Variants in SLC35G1 observed in about 807,000 individuals in gnomAD.
SLC35G1 encodes the protein partner of STIM1.
In SLC35G1, 10 loss-of-function variants were observed where a neutral mutation model predicts 17.1. That is an observed-to-expected ratio of 0.59 (90% CI 0.36 to 0.99). SLC35G1 has a LOEUF of 0.99. Among genes scored for constraint, SLC35G1 ranks in the 50% least tolerant of loss-of-function variants. The pLI is 0.01. For synonymous variants in SLC35G1, 185 were observed against 181.1 expected, an observed-to-expected ratio of 1.02 and a Z score of -0.18; for missense variants, 433 against 468.4, an observed-to-expected ratio of 0.92 and a Z score of 0.70.
In SLC35G1 at chr10:93,894,108, G is replaced by A. The variant is rs1345730867; in HGVS notation, c.75G>A (p.Pro25=). Reference sequence around the variant, plus strand: ...TGCCGCTAACGGACGATGCACCCCCGGGCGCCACTGAGGAGCCGGCGGCCG... The same window carrying A: ...TGCCGCTAACGGACGATGCACCCCCAGGCGCCACTGAGGAGCCGGCGGCCG... The part of the protein sequence containing the change: ...PGLPLTDDAP[P]GATEEPAAAE... Residue 25 remains proline (P), a synonymous_variant, in exon 1 of 3, where the codon CCG becomes CCA. Coordinates refer to ENST00000427197, the MANE Select transcript of SLC35G1 (RefSeq NM_001134658.3). The A allele has an allele frequency of 2.0e-6, 3 of 1,489,108 alleles. No individual in the cohort carries two copies. The highest frequency in any genetic ancestry group is 2.7e-6 in the Non-Finnish European group (3 of 1,127,056). 92.2% of individuals were successfully genotyped at this position (1,489,108 alleles called of 1,614,324 possible).
intron 1 of SLC35G1, 75 bp from the exon 2 acceptor site, chr10:93,898,496 T>G: frequency 2.7e-6 from 4 of 1,454,876 alleles, no homozygotes; most frequent in Non-Finnish European, 3.7e-6. Flanking sequence ...CTGTTCCATT[T>G]TTCTCAGTTT....
chr10:93,898,826 C>CT lies in SLC35G1; in HGVS notation c.359+76dup, dbSNP rs2060355922. The stretch of plus-strand genomic sequence containing the variant: ...ATCTTTTCACCTGCCTATAATTACT[C>CT]TATCTGCTTTATCCATCTCATATAC... On this transcript the variant is annotated intron_variant, in intron 2 of 2. Transcript: ENST00000427197. 5 of 1,398,886 alleles carry CT rather than the reference C, an allele frequency of 3.6e-6. No individual in the cohort carries two copies. The African/African-American group carries it at 7.2e-5, about 20-fold the overall frequency. 86.7% of individuals were successfully genotyped at this position (1,398,886 alleles called of 1,614,324 possible). A position where few individuals can be genotyped will look rare whatever the true frequency, so the allele number is the denominator to read the frequency against.
intron 1 of SLC35G1, among the ~76,000 whole-genome samples, chr10:93,896,237 C>T (rs1276197843): frequency 1.3e-5 from 2 of 152,118 alleles, no homozygotes; most frequent in East Asian, 3.9e-4. Context: ...CTCAAGAGAT[C>T]CTCCCACCTT....
rs907483934 is a variant in SLC35G1 at position 93,902,085 on chromosome 10, T to C, written c.*595T>C. On this transcript the variant is annotated 3_prime_UTR_variant, in exon 3 of 3. Coordinates refer to ENST00000427197, the MANE Select transcript of SLC35G1 (RefSeq NM_001134658.3). ...TATTTTCAAGGATTTTATAAATGAT[T>C]ATCATACTTGTAACTCATATTTGTG... 2 of 152,650 alleles carry C rather than the reference T, an allele frequency of 1.3e-5. No individual in the cohort carries two copies. Among genetic ancestry groups the C allele is most frequent in the Non-Finnish European group, 2.9e-5 (2 of 68,040 alleles). The allele number at this position is 152,650 out of a possible 1,614,324, so 9.5% of individuals were successfully genotyped here.
rs370677662 is a variant in SLC35G1, at chr10:93,898,674, C to T, written c.282C>T (p.Asp94=). The change falls in exon 2 of 3, where the codon GAC becomes GAT. Residue 94 remains aspartate, a synonymous_variant. Coordinates refer to ENST00000427197, the MANE Select transcript of SLC35G1 (RefSeq NM_001134658.3). ...CTTTATTTGTTAAAAAAGTGCAAGACGTCCATGCTGTAGAGATTAGTGCGT... is the reference window on the plus strand; with the variant it reads ...CTTTATTTGTTAAAAAAGTGCAAGATGTCCATGCTGTAGAGATTAGTGCGT... ...VGSLFVKKVQ[D]VHAVEISAFR... 5.0e-6 allele frequency: 8 copies of T among 1,613,804 alleles called. No individual in the cohort carries two copies. Among genetic ancestry groups the T allele is most frequent in the East Asian group, 4.5e-5 (2 of 44,876 alleles).
At chr10:93,895,295 G>T (rs1477595755) in intron 1 of SLC35G1, among the ~76,000 whole-genome samples, 1 of 152,194 alleles carries the variant, frequency 6.6e-6, no homozygotes, top group Non-Finnish European at 1.5e-5. Context: ...AAGGCAAACC[G>T]AAATGATCAG....
At chr10:93,907,511 A>G (rs1386519208), downstream of SLC35G1, 1 of 152,246 alleles carries the variant, frequency 6.6e-6, no homozygotes, top group African/African-American at 2.4e-5. Flanking sequence ...CCAAAATAAA[A>G]TGTAATGCAA....
chr10:93,894,134 C>A lies in SLC35G1; in HGVS notation c.101C>A (p.Ala34Asp). 6.7e-7 allele frequency: 1 copy of A among 1,484,970 alleles called. No individual in the cohort carries two copies. Among genetic ancestry groups the A allele is most frequent in the East Asian group, 2.9e-5 (1 of 34,190 alleles). The allele number at this position is 1,484,970 out of a possible 1,614,324, so 92.0% of individuals were successfully genotyped here. The stretch of plus-strand genomic sequence containing the variant: ...GGCGCCACTGAGGAGCCGGCGGCCG[C>A]CGAGGCAGCTGGGGCGCCAGACCGC... ...PPGATEEPAA[A>D]EAAGAPDRGR... Residue 34 changes from alanine to aspartate, a missense_variant, in exon 1 of 3, where the codon GCC becomes GAC. Transcript: ENST00000427197.
chr10:93,896,649 T>G (rs987880182), intron 1 of SLC35G1, among the ~76,000 whole-genome samples: 1 of 152,224 alleles, frequency 6.6e-6, no homozygotes, highest in African/African-American at 2.4e-5. Flanking sequence ...TTCTAATGTC[T>G]GTCCCTTCCC....
rs890178835 is a variant in SLC35G1, at chr10:93,901,624, G to T, written c.*134G>T. On this transcript the variant is annotated 3_prime_UTR_variant, in exon 3 of 3. Coordinates refer to ENST00000427197, the MANE Select transcript of SLC35G1 (RefSeq NM_001134658.3). ...ATAAATTGCCTAAAGTACCATTTTT[G>T]AATATAGTATGTCTTTAGTTAAGAA... The T allele has an allele frequency of 1.0e-6, 1 of 1,002,064 alleles. No individual in the cohort carries two copies. Among genetic ancestry groups the T allele is most frequent in the Non-Finnish European group, 1.4e-6 (1 of 730,090 alleles). 62.1% of individuals were successfully genotyped at this position (1,002,064 alleles called of 1,614,324 possible).
rs991417969 is a variant in SLC35G1, at chr10:93,893,994, G to T, written c.-40G>T. On this transcript the variant is annotated 5_prime_UTR_variant, in exon 1 of 3. Coordinates refer to ENST00000427197, the MANE Select transcript of SLC35G1 (RefSeq NM_001134658.3). ...CGGCAGCCCAGGCGCTGCTGCTGGC[G>T]CCAGACGGCACCGGCCGCTGGTAGA... 8 of 1,339,182 alleles carry T rather than the reference G, an allele frequency of 6.0e-6. No homozygotes were observed. The Admixed American group carries it at 1.2e-4, about 20-fold the overall frequency. The allele number at this position is 1,339,182 out of a possible 1,614,324, so 83.0% of individuals were successfully genotyped here.
Position 93,902,306 on chromosome 10 carries a change from A to G in SLC35G1, c.*816A>G, listed in dbSNP as rs1025614817. ...AAGATTTCAGATCTCTAAATCACAA[A>G]GAGAAATCTTGGCATGACCAGTGTG... On this transcript the variant is annotated 3_prime_UTR_variant, in exon 3 of 3. Transcript: ENST00000427197. The G allele has an allele frequency of 2.0e-5, 3 of 152,614 alleles. No individual in the cohort carries two copies. Among genetic ancestry groups the G allele is most frequent in the African/African-American group, 2.4e-5 (1 of 41,458 alleles). 9.5% of individuals were successfully genotyped at this position (152,614 alleles called of 1,614,324 possible).
At chr10:93,903,908 T>C (rs2060413482), downstream of SLC35G1, 1 of 151,970 alleles carries the variant, frequency 6.6e-6, no homozygotes, top group South Asian at 2.1e-4. Context: ...CTGTAGGAGA[T>C]TGACCTCTAG....
intron 1 of SLC35G1, among the ~76,000 whole-genome samples, 167 bp downstream of exon 1, chr10:93,894,378 G>A (rs2060309331): frequency 6.6e-6 from 1 of 152,100 alleles, no homozygotes; most frequent in Non-Finnish European, 1.5e-5. Flanking sequence ...GCTGCAAAGC[G>A]GAATTCCCGG....
chr10:93,894,316 C>G (rs570131281), intron 1 of SLC35G1, 105 bp downstream of exon 1: 531 of 1,102,866 alleles, frequency 4.8e-4, no homozygotes, highest in Non-Finnish European at 5.9e-4. Flanking sequence ...GCCGCGCCTC[C>G]GTCCCCACCC....
At chr10:93,899,795 T>G (rs1307895827) in intron 2 of SLC35G1, among the ~76,000 whole-genome samples, 1 of 152,204 alleles carries the variant, frequency 6.6e-6, no homozygotes, top group African/African-American at 2.4e-5. Flanking sequence ...AGAACACCGA[T>G]GCTAACATAA....
chr10:93,901,329 C>T lies in SLC35G1; in HGVS notation c.937C>T (p.Pro313Ser), dbSNP rs1321098029. Residue 313 changes from proline to serine, a missense_variant, in exon 3 of 3, where the codon CCA (proline) becomes TCA (serine). Physicochemically the swap from Pro to Ser is moderately conservative, Grantham distance 74. Coordinates refer to ENST00000427197, the MANE Select transcript of SLC35G1 (RefSeq NM_001134658.3). The stretch of plus-strand genomic sequence containing the variant: ...AGCACTTCAAATAGAAAAAGCAGGG[C>T]CAGTAGCAATAATGAAGACAATGGA... ...TKALQIEKAG[P>S]VAIMKTMDVV... The T allele has an allele frequency of 2.5e-6, 4 of 1,613,886 alleles. No individual in the cohort carries two copies. In the Admixed American group the frequency reaches 6.7e-5, roughly 27 times the overall value.
chr10:93,894,043 C>T lies in SLC35G1; in HGVS notation c.10C>T (p.Gln4Ter), dbSNP rs1024624076. The part of the protein sequence containing the change: MRP[Q>*]DSTGVAELQE... Reference sequence around the variant, plus strand: ...GAGCGCGTGCCGCGAGATGCGGCCTCAGGACAGCACCGGGGTCGCGGAGCT... The same window carrying T: ...GAGCGCGTGCCGCGAGATGCGGCCTTAGGACAGCACCGGGGTCGCGGAGCT... The change falls in exon 1 of 3, where the codon CAG becomes TAG. Residue 4 changes from glutamine (Q) to a stop codon, truncating the protein, a stop_gained. Coordinates refer to ENST00000427197, the MANE Select transcript of SLC35G1 (RefSeq NM_001134658.3). LOFTEE classifies it high-confidence loss of function. 1.6e-5 allele frequency: 24 copies of T among 1,465,834 alleles called. No homozygotes were observed. The highest frequency in any genetic ancestry group is 2.1e-5 in the Non-Finnish European group (24 of 1,116,952). The allele number at this position is 1,465,834 out of a possible 1,614,324, so 90.8% of individuals were successfully genotyped here. A position where few individuals can be genotyped will look rare whatever the true frequency, so the allele number is the denominator to read the frequency against.
At chr10:93,898,267 T>G (rs2060349370) in intron 1 of SLC35G1, among the ~76,000 whole-genome samples, 1 of 152,338 alleles carries the variant, frequency 6.6e-6, no homozygotes, top group South Asian at 2.1e-4. Context: ...TAAAGATTTC[T>G]CTCACCATCT....
Sources: gnomAD v4.1 joint callset for allele counts (sites outside exome capture counted in the v4.1 genomes callset) on GRCh38, gnomAD v4.1.1 for gene constraint, MANE v1.5 for transcripts, NCBI Gene and HGNC (gene_info 2026-07-23, HGNC 2026-07-21) for gene names.